L3MBTL4: variants seen among roughly 807,000 people sequenced by gnomAD.
L3MBTL4 encodes the protein L3MBTL histone methyl-lysine binding protein 4.
L3MBTL4 carries 70 observed loss-of-function variants against 84.5 expected under a neutral mutation model. The ratio of observed to expected loss-of-function variants is 0.83; its 90% CI spans 0.68 to 1.01. The LOEUF (loss-of-function observed/expected upper bound fraction) is 1.01. L3MBTL4 is among the 50% of genes least tolerant of loss of function. The pLI is 0.00. For missense variants in L3MBTL4, 715 were observed against 754.8 expected, an observed-to-expected ratio of 0.95 and a Z score of 0.62; for synonymous variants, 274 against 259.8, an observed-to-expected ratio of 1.05 and a Z score of -0.52.
intron 17 of L3MBTL4, among the ~76,000 whole-genome samples, 196 bp downstream of exon 17, chr18:5,969,197 G>A (rs1257184013): frequency 6.6e-6 from 1 of 152,162 alleles, no homozygotes; most frequent in Non-Finnish European, 1.5e-5. Context: ...TGGGCAAGTG[G>A]TGGGCTTTCC....
chr18:6,270,950 T>A (rs1019251904), intron 4 of L3MBTL4, among the ~76,000 whole-genome samples: 6 of 152,110 alleles, frequency 3.9e-5, no homozygotes, highest in Admixed American at 6.5e-5. Flanking sequence ...CAGTGGAGAC[T>A]GAGAATGGCA....
intron 4 of L3MBTL4, among the ~76,000 whole-genome samples, chr18:6,293,349 C>T (rs1001107268): frequency 1.3e-5 from 2 of 152,024 alleles, no homozygotes; most frequent in Non-Finnish European, 2.9e-5. Flanking sequence ...CCTAAAACAT[C>T]TTGTGTCAGA....
intron 11 of L3MBTL4, among the ~76,000 whole-genome samples, chr18:6,214,560 G>A (rs998605038): frequency 2.0e-5 from 3 of 152,204 alleles, no homozygotes; most frequent in Non-Finnish European, 4.4e-5. Flanking sequence ...TAATATGTCA[G>A]TAATAAACAG....
intron 1 of L3MBTL4, among the ~76,000 whole-genome samples, chr18:6,358,020 G>T (rs533861672): frequency 1.3e-5 from 2 of 152,172 alleles, no homozygotes; most frequent in South Asian, 4.1e-4. Flanking sequence ...CACACATCAC[G>T]AAAAGTGTCT....
chr18:6,015,565 C>T (rs951472617), intron 16 of L3MBTL4, among the ~76,000 whole-genome samples: 6 of 152,150 alleles, frequency 3.9e-5, no homozygotes, highest in African/African-American at 1.4e-4. Flanking sequence ...GAAGTGACTA[C>T]CATCTCCAAA....
At chr18:5,984,152 T>A (rs2053362879) in intron 16 of L3MBTL4, among the ~76,000 whole-genome samples, 1 of 152,230 alleles carries the variant, frequency 6.6e-6, no homozygotes, top group South Asian at 2.1e-4. Context: ...CCTCAGGTGA[T>A]CTGCCTGCCT....
chr18:6,290,383 T>A (rs57940432), intron 4 of L3MBTL4, among the ~76,000 whole-genome samples: 28,706 of 151,920 alleles, frequency 0.19, 2,855 homozygotes, highest in African/African-American at 0.24. Flanking sequence ...ACTTAAAAAC[T>A]AAACAAAACA....
chr18:5,979,100 G>T (rs1598344684), intron 16 of L3MBTL4, among the ~76,000 whole-genome samples: 2 of 152,308 alleles, frequency 1.3e-5, no homozygotes, highest in African/African-American at 4.8e-5. Flanking sequence ...AGGGGCAAAA[G>T]AGTGGATCCT....
At chr18:6,383,634 C>T (rs1418863705) in intron 1 of L3MBTL4, among the ~76,000 whole-genome samples, 1 of 152,170 alleles carries the variant, frequency 6.6e-6, no homozygotes, top group Non-Finnish European at 1.5e-5. Flanking sequence ...CCTCTGTGGG[C>T]TGCACCCACT....
intron 16 of L3MBTL4, among the ~76,000 whole-genome samples, chr18:6,072,285 G>A (rs754011458): frequency 2.0e-5 from 3 of 151,864 alleles, no homozygotes; most frequent in African/African-American, 4.8e-5. Context: ...AAGATCTAAC[G>A]GTATGATTAA....
At chr18:6,060,034 A>G (rs1218860267) in intron 16 of L3MBTL4, among the ~76,000 whole-genome samples, 1 of 152,244 alleles carries the variant, frequency 6.6e-6, no homozygotes, top group Non-Finnish European at 1.5e-5. Flanking sequence ...AGTATTATCA[A>G]TAACAGATGC....
chr18:6,246,173 C>T (rs922349939), intron 5 of L3MBTL4, among the ~76,000 whole-genome samples: 1 of 152,142 alleles, frequency 6.6e-6, no homozygotes, highest in Non-Finnish European at 1.5e-5. Context: ...TTATAATGAG[C>T]CTTTCTATTT....
chr18:6,294,734 C>A, intron 4 of L3MBTL4, among the ~76,000 whole-genome samples: 1 of 152,074 alleles, frequency 6.6e-6, no homozygotes, highest in East Asian at 1.9e-4. Context: ...CAAAACAAAA[C>A]AAAACAGGGT....
intron 16 of L3MBTL4, among the ~76,000 whole-genome samples, chr18:6,072,697 C>CA (rs60257178): frequency 4.2e-5 from 6 of 143,170 alleles, no homozygotes; most frequent in South Asian, 4.5e-4. Context: ...CACACACACA[C>CA]AAAAAAAAAT....
At chr18:5,968,653 T>C (rs1193112565) in intron 17 of L3MBTL4, among the ~76,000 whole-genome samples, 1 of 151,866 alleles carries the variant, frequency 6.6e-6, no homozygotes, top group African/African-American at 2.4e-5. Flanking sequence ...GCTATGATCA[T>C]GCCACTACCC....
intron 16 of L3MBTL4, among the ~76,000 whole-genome samples, chr18:5,990,745 T>C (rs1192889312): frequency 6.6e-6 from 1 of 151,024 alleles, no homozygotes; most frequent in Non-Finnish European, 1.5e-5. Flanking sequence ...AGGAATTCCT[T>C]TCAAACTTTA....
chr18:6,138,155 C>T (rs2060083577), intron 14 of L3MBTL4, 39 bp downstream of exon 14: 1 of 1,386,256 alleles, frequency 7.2e-7, no homozygotes, highest in Non-Finnish European at 1.0e-6. Context: ...AGAATGTTTC[C>T]ATTCATCCAG....
At chr18:6,196,414 C>A (rs2045398707) in intron 12 of L3MBTL4, among the ~76,000 whole-genome samples, 1 of 152,124 alleles carries the variant, frequency 6.6e-6, no homozygotes, top group Non-Finnish European at 1.5e-5. Flanking sequence ...ACCCTGGCCT[C>A]CCAAAATGCT....
chr18:6,298,056 G>A (rs74648537), intron 4 of L3MBTL4, among the ~76,000 whole-genome samples: 1,713 of 152,292 alleles, frequency 0.011, 28 homozygotes, highest in African/African-American at 0.04. Flanking sequence ...ATGTCAAAAA[G>A]TGGACTTGAA....
Sources: allele counts gnomAD v4.1 joint callset (sites outside exome capture counted in the v4.1 genomes callset), GRCh38; gene constraint gnomAD v4.1.1; transcripts MANE v1.5; gene names NCBI Gene and HGNC (gene_info 2026-07-23, HGNC 2026-07-21).